Variants in INPP5B observed in about 807,000 individuals in gnomAD.
INPP5B encodes type II inositol 1,4,5-trisphosphate 5-phosphatase.
Under a neutral mutation model 118.5 loss-of-function variants are expected in INPP5B, and 90 were observed. That is an observed-to-expected ratio of 0.76 (90% CI 0.64 to 0.90). The LOEUF is 0.90. Among genes scored for constraint, INPP5B ranks in the 40% least tolerant of loss-of-function variants. INPP5B has a pLI of 0.00. For missense variants in INPP5B, 984 were observed against 1,125.6 expected (o/e 0.87, Z 1.80); for synonymous variants, 385 against 418.9 (o/e 0.92, Z 0.99).
At chr1:37,879,098 C>T (rs1332787372) in intron 15 of INPP5B, among the ~76,000 whole-genome samples, 1 of 151,632 alleles carries the variant, frequency 6.6e-6, no homozygotes, top group Non-Finnish European at 1.5e-5. Context: ...ATGGTGAAAC[C>T]CCGTCTCTAC....
chr1:37,882,827 T>C lies in INPP5B; in HGVS notation c.1411A>G (p.Met471Val), dbSNP rs969335751. Residue 471 changes from methionine to valine, a missense_variant, in exon 14 of 24, where the codon ATG becomes GTG. Met to Val is a conservative substitution (Grantham distance 21). Around this residue, in one of 2 missense-constraint regions of INPP5B, gnomAD observed 634 missense variants for 791.0 expected, o/e 0.80. Coordinates refer to ENST00000373024, the MANE Select transcript of INPP5B (RefSeq NM_005540.3). ...KKLIEEKDFQ[M>V]LYAYDQLKIQ... ...TGTACCTGATCATATGCATACAGCA[T>C]TTGAAAGTCCTTCTCTTCGATGAGC... 6.2e-7 allele frequency: 1 copy of C among 1,613,914 alleles called. No homozygotes were observed. Among genetic ancestry groups the C allele is most frequent in the Non-Finnish European group, 8.5e-7 (1 of 1,179,934 alleles).
chr1:37,891,792 C>T lies in INPP5B; in HGVS notation c.533-338G>A, dbSNP rs147528770. On this transcript the variant is annotated intron_variant, in intron 7 of 23. Coordinates refer to ENST00000373024, the MANE Select transcript of INPP5B (RefSeq NM_005540.3). ...TCCATCTCAAAAACAAACAAACAAA[C>T]AAATAAATAAATAAATGAAACATAC... Among the ~76,000 whole-genome samples the T allele has an allele frequency of 2.4e-4, 36 of 152,190 alleles. No homozygotes were observed. The East Asian group carries it at 6.8e-3, about 29-fold the overall frequency.
Position 37,893,085 on chromosome 1 carries a change from C to CTTTTTTTTTT in INPP5B, c.533-1641_533-1632dup, listed in dbSNP as rs71053999. On this transcript the variant is annotated intron_variant, in intron 7 of 23. Coordinates refer to ENST00000373024, the MANE Select transcript of INPP5B (RefSeq NM_005540.3). ...TATGTTTTTTTATTATTTTCTTTTT[C>CTTTTTTTTTT]TTTTTTTTTTTTTTTTTTTTTTTTT... Among the ~76,000 whole-genome samples, 13 of 81,434 alleles carry CTTTTTTTTTT rather than the reference C, an allele frequency of 1.6e-4. 1 individual carries two copies. Among genetic ancestry groups the CTTTTTTTTTT allele is most frequent in the African/African-American group, 6.6e-4 (11 of 16,714 alleles). The allele number at this position is 81,434 out of a possible 152,430, so 53.4% of individuals were successfully genotyped here.
At chr1:37,895,909 G>C (rs1483845848) in intron 7 of INPP5B, among the ~76,000 whole-genome samples, 1 of 152,226 alleles carries the variant, frequency 6.6e-6, no homozygotes, top group African/African-American at 2.4e-5. Context: ...AAAGTGCTGA[G>C]ATTGCAGCCT....
intron 5 of INPP5B, among the ~76,000 whole-genome samples, chr1:37,941,106 T>G (rs1379629562): frequency 2.0e-5 from 3 of 151,556 alleles, no homozygotes; most frequent in African/African-American, 7.3e-5. Context: ...CCCCTCCCGA[T>G]GAAATGAAAA....
rs1163542506 is a variant in INPP5B, at chr1:37,896,710, G to A, written c.533-5256C>T. On this transcript the variant is annotated intron_variant, in intron 7 of 23. Transcript: ENST00000373024. ...GCCCCTCTGCCCGGCCAGCCGCCCCGTCCGGGAGGGAGGTGGGGGAGTCAG... is the reference window on the plus strand; with the variant it reads ...GCCCCTCTGCCCGGCCAGCCGCCCCATCCGGGAGGGAGGTGGGGGAGTCAG... Among the ~76,000 whole-genome samples, 11 of 135,262 alleles carry A rather than the reference G, an allele frequency of 8.1e-5. 1 individual carries two copies. Among genetic ancestry groups the A allele is most frequent in the African/African-American group, 3.1e-4 (11 of 35,776 alleles). The allele number at this position is 135,262 out of a possible 152,430, so 88.7% of individuals were successfully genotyped here.
rs567949459 is a variant in INPP5B, at chr1:37,896,354, C to T, written c.533-4900G>A. Among the ~76,000 whole-genome samples the T allele has an allele frequency of 5.1e-3, 766 of 149,950 alleles. 1 individual carries two copies. Among genetic ancestry groups the T allele is most frequent in the Non-Finnish European group, 7.1e-3 (476 of 67,136 alleles). On this transcript the variant is annotated intron_variant, in intron 7 of 23. Transcript: ENST00000373024. ...CTGAGAAGTGAGGAGCCCCTCCGCC[C>T]GGCAGCCGCCCCGTCTGAGAAGTGA... is the stretch of plus-strand genomic sequence containing the variant.
chr1:37,886,248 G>C (rs1643529410), intron 12 of INPP5B, among the ~76,000 whole-genome samples: 1 of 148,240 alleles, frequency 6.7e-6, no homozygotes, highest in Non-Finnish European at 1.5e-5. Flanking sequence ...TAATAATCCT[G>C]TGGTATTATC....
chr1:37,905,227 C>T (rs1204709477), intron 7 of INPP5B, among the ~76,000 whole-genome samples: 1 of 152,078 alleles, frequency 6.6e-6, no homozygotes, highest in Non-Finnish European at 1.5e-5. Flanking sequence ...ATGGTGAAAC[C>T]CCATCTCTAC....
intron 23 of INPP5B, among the ~76,000 whole-genome samples, chr1:37,863,767 G>A (rs966532348): frequency 2.7e-5 from 4 of 149,508 alleles, no homozygotes; most frequent in Admixed American, 6.7e-5. Flanking sequence ...GCCCTCCATC[G>A]TATATGTGGT....
chr1:37,930,517 G>C (rs1342180087), intron 7 of INPP5B: 2 of 152,316 alleles, frequency 1.3e-5, no homozygotes, highest in South Asian at 2.1e-4. Context: ...GCAGTCTCTT[G>C]TGAAGGGGCA....
chr1:37,886,341 C>T (rs941711804), intron 12 of INPP5B, among the ~76,000 whole-genome samples: 1 of 151,972 alleles, frequency 6.6e-6, no homozygotes, highest in African/African-American at 2.4e-5. Flanking sequence ...CTAACTCTCT[C>T]GAACTCCTGG....
chr1:37,874,604 C>A (rs1416722907), intron 17 of INPP5B, among the ~76,000 whole-genome samples: 2 of 152,148 alleles, frequency 1.3e-5, no homozygotes, highest in Non-Finnish European at 2.9e-5. Context: ...TCAAGACCAG[C>A]CTGGCCAACA....
chr1:37,888,269 G>T lies in INPP5B; in HGVS notation c.873C>A (p.Ile291=), dbSNP rs28580141. Residue 291 remains isoleucine (I), a synonymous_variant, in exon 10 of 24, where the codon ATC becomes ATA. Coordinates refer to ENST00000373024, the MANE Select transcript of INPP5B (RefSeq NM_005540.3). ...CTACACAATAGACATCTGGGGCCTG[G>T]ATACCATTGCTCAGCCACAGCCGGA... ...ECLRLWLSNG[I]QAPDVYCVGF... is the part of the protein sequence containing the mutation. The T allele has an allele frequency of 0.032, 49,989 of 1,578,722 alleles. 993 individuals carry two copies. Among genetic ancestry groups the T allele is most frequent in the Non-Finnish European group, 0.035 (41,192 of 1,162,122 alleles).
At chr1:37,874,636 A>G (rs1198198274) in intron 17 of INPP5B, among the ~76,000 whole-genome samples, 1 of 152,136 alleles carries the variant, frequency 6.6e-6, no homozygotes, top group Non-Finnish European at 1.5e-5. Flanking sequence ...CATCTCTACT[A>G]AAAATACAAA....
chr1:37,866,801 T>C (rs962565628), intron 20 of INPP5B, among the ~76,000 whole-genome samples: 1 of 152,060 alleles, frequency 6.6e-6, no homozygotes, highest in Non-Finnish European at 1.5e-5. Flanking sequence ...AGATCCAACA[T>C]TGGAGAAAAT....
Position 37,910,452 on chromosome 1 carries a change from C to G in INPP5B, c.533-18998G>C, listed in dbSNP as rs1275294593. Among the ~76,000 whole-genome samples the G allele has an allele frequency of 1.3e-5, 2 of 152,114 alleles. 1 individual carries two copies. The highest frequency in any genetic ancestry group is 4.1e-4 in the South Asian group (2 of 4,834). ...TAAATTTTCTGCTTCCCTGACTATTCCTGGGCTACAGCCACACCTCATTGC... is the reference window on the plus strand; with the variant it reads ...TAAATTTTCTGCTTCCCTGACTATTGCTGGGCTACAGCCACACCTCATTGC... On this transcript the variant is annotated intron_variant, in intron 7 of 23. Coordinates refer to ENST00000373024, the MANE Select transcript of INPP5B (RefSeq NM_005540.3).
intron 7 of INPP5B, among the ~76,000 whole-genome samples, chr1:37,899,594 A>T (rs1229528475): frequency 6.6e-6 from 1 of 152,138 alleles, no homozygotes. Context: ...TTCTCAAGGT[A>T]CCTCTAGGCC....
intron 7 of INPP5B, among the ~76,000 whole-genome samples, chr1:37,912,697 G>T (rs963738438): frequency 6.6e-6 from 1 of 152,080 alleles, no homozygotes; most frequent in Admixed American, 6.5e-5. Context: ...TCTTAGAGTG[G>T]ATAGATGAAC....
Sources: gnomAD v4.1 joint callset for allele counts (sites outside exome capture counted in the v4.1 genomes callset) on GRCh38, gnomAD v4.1.1 for gene constraint, gnomAD v4.1.1 regional missense constraint, MANE v1.5 for transcripts, NCBI Gene and HGNC (gene_info 2026-07-23, HGNC 2026-07-21) for gene names.